The following PRKG1 variants were observed in gnomAD, a reference collection of about 807,000 sequenced individuals.
The protein encoded by PRKG1 is protein kinase cGMP-dependent 1.
PRKG1 carries 35 observed loss-of-function variants against 88.1 expected under a neutral mutation model. The ratio of observed to expected loss-of-function variants is 0.40; its 90% CI spans 0.30 to 0.53. The LOEUF is 0.53. PRKG1 is among the 20% of genes least tolerant of loss of function. The probability of loss-of-function intolerance (pLI) is 0.59; values close to 1 mark genes in which losing one functional copy is unlikely to be tolerated. For synonymous variants in PRKG1, 303 were observed against 292.5 expected, an observed-to-expected ratio of 1.04 and a Z score of -0.37; for missense variants, 540 against 839.8, an observed-to-expected ratio of 0.64 and a Z score of 4.41.
At chr10:51,112,845 T>C (rs1410718620) in intron 1 of PRKG1, among the ~76,000 whole-genome samples, 1 of 152,224 alleles carries the variant, frequency 6.6e-6, no homozygotes, top group Non-Finnish European at 1.5e-5. Flanking sequence ...TCCAAATTCA[T>C]ATGAATGCTA....
chr10:51,462,947 C>T (rs1172911790), intron 2 of PRKG1, among the ~76,000 whole-genome samples: 1 of 152,050 alleles, frequency 6.6e-6, no homozygotes, highest in Non-Finnish European at 1.5e-5. Context: ...GTAAAATGCA[C>T]AGAAGCAGAA....
At chr10:51,609,508 A>T (rs563309788) in intron 3 of PRKG1, among the ~76,000 whole-genome samples, 2 of 152,368 alleles carry the variant, frequency 1.3e-5, no homozygotes, top group South Asian at 4.1e-4. Context: ...AAAGGAATAT[A>T]AATCATTCTA....
At chr10:51,124,055 A>C (rs1330895979) in intron 1 of PRKG1, among the ~76,000 whole-genome samples, 1 of 152,162 alleles carries the variant, frequency 6.6e-6, no homozygotes, top group East Asian at 1.9e-4. Flanking sequence ...ACTGGAGATT[A>C]GAATTCAACA....
At chr10:51,917,521 A>G (rs1440610654) in intron 5 of PRKG1, among the ~76,000 whole-genome samples, 11 of 152,304 alleles carry the variant, frequency 7.2e-5, no homozygotes, top group Admixed American at 6.5e-5. Context: ...GATAATTTCA[A>G]TGAAGGAAAC....
chr10:51,022,186 G>A (rs924779419), intron 1 of PRKG1, among the ~76,000 whole-genome samples: 19 of 152,254 alleles, frequency 1.2e-4, no homozygotes, highest in African/African-American at 4.1e-4. Context: ...CATTGGAGCA[G>A]TTCCTCCAGT....
chr10:51,288,966 C>T (rs1352754213), intron 2 of PRKG1, among the ~76,000 whole-genome samples: 1 of 151,388 alleles, frequency 6.6e-6, no homozygotes, highest in Non-Finnish European at 1.5e-5. Context: ...TAATAAAGGG[C>T]TTAGTGCATA....
At chr10:51,094,936 A>G (rs1681843996) in intron 1 of PRKG1, among the ~76,000 whole-genome samples, 1 of 152,166 alleles carries the variant, frequency 6.6e-6, no homozygotes, top group Admixed American at 6.5e-5. Flanking sequence ...TAGGGAAATT[A>G]AATAACTTGA....
In PRKG1 at chr10:51,907,406, T is replaced by C. The variant is rs1033679523; in HGVS notation, c.699-101T>C. 20 of 908,754 alleles carry C rather than the reference T, an allele frequency of 2.2e-5. No homozygotes were observed. The Admixed American group carries it at 3.5e-4, about 16-fold the overall frequency. 56.3% of individuals were successfully genotyped at this position (908,754 alleles called of 1,614,324 possible). On this transcript the variant is annotated intron_variant, in intron 4 of 17. Coordinates refer to ENST00000373980, the MANE Select transcript of PRKG1 (RefSeq NM_006258.4). Reference sequence around the variant, plus strand: ...TTTTTTTTTGGCAGATTCCTTGTCATGAAATAGTTTTGTATTTTAATTAGA... The same window carrying C: ...TTTTTTTTTGGCAGATTCCTTGTCACGAAATAGTTTTGTATTTTAATTAGA...
intron 2 of PRKG1, among the ~76,000 whole-genome samples, chr10:51,301,020 A>C (rs557302479): frequency 1.3e-5 from 2 of 152,224 alleles, no homozygotes; most frequent in South Asian, 4.1e-4. Flanking sequence ...TTTTTGAGTG[A>C]GATGAGCTCT....
intron 6 of PRKG1, among the ~76,000 whole-genome samples, chr10:52,056,027 A>G (rs1045982312): frequency 2.5e-4 from 38 of 152,308 alleles, no homozygotes; most frequent in African/African-American, 8.2e-4. Context: ...TATTTTTATT[A>G]TTCCTATTCT....
chr10:51,079,990 T>G (rs1844065105), intron 1 of PRKG1, among the ~76,000 whole-genome samples: 1 of 152,202 alleles, frequency 6.6e-6, no homozygotes, highest in African/African-American at 2.4e-5. Flanking sequence ...TGAACATCAA[T>G]GAGAATTGAA....
chr10:51,226,545 T>C (rs555863774), intron 2 of PRKG1, among the ~76,000 whole-genome samples: 12 of 152,332 alleles, frequency 7.9e-5, no homozygotes, highest in Non-Finnish European at 1.5e-4. Flanking sequence ...GCAATGTTAT[T>C]CATTAATGCC....
chr10:51,103,078 A>C (rs972385277), intron 1 of PRKG1, among the ~76,000 whole-genome samples: 1 of 152,276 alleles, frequency 6.6e-6, no homozygotes, highest in African/African-American at 2.4e-5. Context: ...CTCAATTAAG[A>C]TATGGAATTG....
At chr10:51,433,535 G>A (rs750345701) in intron 2 of PRKG1, among the ~76,000 whole-genome samples, 7 of 152,028 alleles carry the variant, frequency 4.6e-5, no homozygotes, top group Non-Finnish European at 8.8e-5. Flanking sequence ...AATGAATGAT[G>A]AAAATCACAG....
At chr10:52,164,601 A>G (rs1838379343) in intron 9 of PRKG1, among the ~76,000 whole-genome samples, 1 of 152,078 alleles carries the variant, frequency 6.6e-6, no homozygotes, top group Non-Finnish European at 1.5e-5. Context: ...TAAAACAGTA[A>G]CATTTGATTA....
At chr10:51,244,793 T>G (rs1221426398) in intron 2 of PRKG1, 1 of 152,004 alleles carries the variant, frequency 6.6e-6, no homozygotes. Flanking sequence ...TATAGTCACT[T>G]ACTGGAAAAA....
At chr10:52,054,134 A>T (rs192094308) in intron 5 of PRKG1, among the ~76,000 whole-genome samples, 2 of 152,328 alleles carry the variant, frequency 1.3e-5, no homozygotes, top group Admixed American at 6.5e-5. Context: ...ATTTAAAGGT[A>T]TGATGTAATC....
At chr10:51,684,741 C>CCTGTGGCTGCATG (rs1840942111) in intron 3 of PRKG1, among the ~76,000 whole-genome samples, 1 of 151,988 alleles carries the variant, frequency 6.6e-6, no homozygotes, top group Admixed American at 6.6e-5. Context: ...GTGGTGCATG[C>CCTGTGGCTGCATG]CTGTGGCCCC....
chr10:51,815,024 A>G (rs1242034636), intron 4 of PRKG1, among the ~76,000 whole-genome samples: 2 of 152,128 alleles, frequency 1.3e-5, no homozygotes, highest in Non-Finnish European at 1.5e-5. Context: ...CAGCTAAGGG[A>G]CTTAATAAAT....
Sources: allele counts gnomAD v4.1 joint callset (sites outside exome capture counted in the v4.1 genomes callset), GRCh38; gene constraint gnomAD v4.1.1; transcripts MANE v1.5; gene names NCBI Gene and HGNC (gene_info 2026-07-23, HGNC 2026-07-21).